GLIS3: variants seen among roughly 807,000 people sequenced by gnomAD.
GLIS3 encodes zinc finger protein GLIS3.
A neutral mutation model predicts 78.6 loss-of-function variants in GLIS3; 53 were observed. That is an observed-to-expected ratio of 0.67 (90% CI 0.54 to 0.85). The LOEUF is 0.85. Ranked by LOEUF, GLIS3 falls within the 40% of genes least tolerant of loss-of-function variation. The pLI is 0.00. For synonymous variants in GLIS3, 684 were observed against 509.9 expected (o/e 1.34, Z -4.60); for missense variants, 1,703 against 1,231.1 (o/e 1.38, Z -5.74).
At chr9:4,402,463 C>T in the GLIS3 span, among the ~76,000 whole-genome samples, 2 of 152,196 alleles carry the variant, frequency 1.3e-5, no homozygotes, top group African/African-American at 4.8e-5. Context: ...AACATGACCT[C>T]ACCAAATGAA....
intron 2 of GLIS3, among the ~76,000 whole-genome samples, chr9:4,255,757 A>T (rs1026276493): frequency 1.3e-5 from 2 of 152,136 alleles, no homozygotes; most frequent in Non-Finnish European, 2.9e-5. Context: ...AGGGCAGTGA[A>T]ACTATTCTAT....
At chr9:4,043,631 C>A (rs1825013474) in intron 4 of GLIS3, among the ~76,000 whole-genome samples, 1 of 152,126 alleles carries the variant, frequency 6.6e-6, no homozygotes, top group Admixed American at 6.6e-5. Context: ...TATTCTACTG[C>A]TGAGTTTGCT....
intron 4 of GLIS3, among the ~76,000 whole-genome samples, chr9:3,962,086 G>A (rs1362802306): frequency 6.6e-6 from 1 of 151,992 alleles, no homozygotes; most frequent in African/African-American, 2.4e-5. Flanking sequence ...CAAGTGTGGT[G>A]GTGCACACCT....
intron 6 of GLIS3, among the ~76,000 whole-genome samples, chr9:3,915,502 G>C (rs1324782090): frequency 6.6e-6 from 1 of 152,130 alleles, no homozygotes; most frequent in Non-Finnish European, 1.5e-5. Flanking sequence ...TATCAGCCTT[G>C]CATGTTGTCC....
chr9:4,185,604 A>G (rs1227754428), intron 2 of GLIS3, among the ~76,000 whole-genome samples: 1 of 152,192 alleles, frequency 6.6e-6, no homozygotes. Flanking sequence ...TCAAATTACA[A>G]TGCTTTAAGG....
intron 2 of GLIS3, among the ~76,000 whole-genome samples, chr9:4,243,750 T>G (rs182222339): frequency 1.3e-5 from 2 of 152,190 alleles, no homozygotes; most frequent in Admixed American, 1.3e-4. Context: ...CTGCCTGGAA[T>G]GGATTAGGTG....
At chr9:4,485,139 C>T in the GLIS3 span, among the ~76,000 whole-genome samples, 1 of 151,866 alleles carries the variant, frequency 6.6e-6, no homozygotes, top group Non-Finnish European at 1.5e-5. Flanking sequence ...CTCAGGCTCC[C>T]GAGTAGCTGG....
intron 4 of GLIS3, among the ~76,000 whole-genome samples, chr9:3,973,370 C>T (rs1181514338): frequency 2.6e-5 from 4 of 152,122 alleles, no homozygotes; most frequent in Admixed American, 2.6e-4. Flanking sequence ...CCAAAGCCTC[C>T]ACTCTAAATT....
intron 4 of GLIS3, among the ~76,000 whole-genome samples, chr9:4,052,083 T>G (rs1049156641): frequency 6.6e-6 from 1 of 152,190 alleles, no homozygotes; most frequent in African/African-American, 2.4e-5. Context: ...AATGGAGAGA[T>G]GTGCACACCT....
chr9:3,946,592 A>T (rs536539841), intron 4 of GLIS3, among the ~76,000 whole-genome samples: 13 of 152,338 alleles, frequency 8.5e-5, no homozygotes, highest in African/African-American at 2.9e-4. Context: ...AAAAATACTA[A>T]TAACAACATA....
At chr9:4,128,066 C>T (rs896211574) in intron 2 of GLIS3, among the ~76,000 whole-genome samples, 3 of 152,216 alleles carry the variant, frequency 2.0e-5, no homozygotes, top group Non-Finnish European at 4.4e-5. Context: ...AATGTAAAAA[C>T]ATGCACACCT....
chr9:3,919,606 A>G (rs1824737548), intron 6 of GLIS3, among the ~76,000 whole-genome samples: 1 of 151,784 alleles, frequency 6.6e-6, no homozygotes, highest in East Asian at 1.9e-4. Flanking sequence ...TATATAACAA[A>G]CCTGCACATG....
chr9:3,979,915 G>C (rs1364379951), intron 4 of GLIS3, among the ~76,000 whole-genome samples: 59 of 152,200 alleles, frequency 3.9e-4, no homozygotes, highest in Non-Finnish European at 1.0e-4. Flanking sequence ...GGGAGGAGCA[G>C]ACCGACAGCA....
chr9:4,228,264 T>G (rs916737012), intron 2 of GLIS3, among the ~76,000 whole-genome samples: 40 of 150,604 alleles, frequency 2.7e-4, no homozygotes, highest in South Asian at 4.2e-4. Flanking sequence ...AATTTAGTTT[T>G]AAAATGCTGT....
intron 1 of GLIS3, among the ~76,000 whole-genome samples, chr9:4,289,466 C>T (rs1224880211): frequency 6.6e-6 from 1 of 152,084 alleles, no homozygotes; most frequent in Non-Finnish European, 1.5e-5. Context: ...GCAATACTAA[C>T]CATGAACAAC....
At chr9:4,297,876 C>T (rs1018506428) in intron 1 of GLIS3, among the ~76,000 whole-genome samples, 67 of 152,026 alleles carry the variant, frequency 4.4e-4, no homozygotes, top group African/African-American at 1.6e-3. Flanking sequence ...GGAGGGCGGC[C>T]CTTATCGGTT....
chr9:4,257,224 G>C (rs565479174), intron 2 of GLIS3, among the ~76,000 whole-genome samples: 129 of 152,236 alleles, frequency 8.5e-4, no homozygotes, highest in African/African-American at 3.1e-3. Flanking sequence ...ATTATGCTAA[G>C]TATAAGCCAC....
At chr9:4,074,265 C>T (rs1827871669) in intron 4 of GLIS3, among the ~76,000 whole-genome samples, 1 of 152,206 alleles carries the variant, frequency 6.6e-6, no homozygotes, top group African/African-American at 2.4e-5. Context: ...GCTGAAACAG[C>T]ACCCAACCTA....
intron 2 of GLIS3, among the ~76,000 whole-genome samples, chr9:4,262,929 G>A (rs80321984): frequency 9.6e-6 from 1 of 104,170 alleles, no homozygotes; most frequent in East Asian, 2.5e-4. Context: ...TTCAGTGTTT[G>A]CCTCAAAAAA....
Sources: allele counts gnomAD v4.1 joint callset (sites outside exome capture counted in the v4.1 genomes callset), GRCh38; gene constraint gnomAD v4.1.1; transcripts MANE v1.5; gene names NCBI Gene and HGNC (gene_info 2026-07-23, HGNC 2026-07-21).